The following INSIG1 variants were observed in gnomAD, a reference collection of about 807,000 sequenced individuals.
INSIG1 encodes insulin-induced gene 1 protein.
A neutral mutation model predicts 26.5 loss-of-function variants in INSIG1; 14 were observed. The ratio of observed to expected loss-of-function variants is 0.53; its 90% CI spans 0.35 to 0.83. INSIG1 has a LOEUF of 0.83. INSIG1 is among the 40% of genes least tolerant of loss of function. INSIG1 has a pLI of 0.01. For missense variants in INSIG1, 272 were observed against 368.9 expected (o/e 0.74, Z 2.15); for synonymous variants, 147 against 153.3 (o/e 0.96, Z 0.30).
In INSIG1 at chr7:155,309,906, G is replaced by A. The variant is rs1399240324; in HGVS notation, c.*1636G>A. The A allele has an allele frequency of 6.6e-6, 1 of 152,594 alleles. No individual in the cohort carries two copies. Among genetic ancestry groups the A allele is most frequent in the Non-Finnish European group, 1.5e-5 (1 of 68,044 alleles). 9.5% of individuals were successfully genotyped at this position (152,594 alleles called of 1,614,324 possible). On this transcript the variant is annotated 3_prime_UTR_variant, in exon 6 of 6. Transcript: ENST00000340368. ...GATGTCAGCATTTTATGAAAAACCA[G>A]AAGTTATTAGATGAAAGCAGCGAGT... is the stretch of plus-strand genomic sequence containing the variant.
At chr7:155,299,689 G>A (rs1226198552) in intron 2 of INSIG1, among the ~76,000 whole-genome samples, 1 of 152,220 alleles carries the variant, frequency 6.6e-6, no homozygotes, top group Non-Finnish European at 1.5e-5. Context: ...GCTGACGTTT[G>A]TCAGCTGACT....
In INSIG1 at chr7:155,301,568, G is replaced by C; in HGVS notation, c.415G>C (p.Val139Leu). 1.2e-6 allele frequency: 2 copies of C among 1,601,116 alleles called. No individual in the cohort carries two copies. The highest frequency in any genetic ancestry group is 1.7e-6 in the Non-Finnish European group (2 of 1,172,730). ...CATTGTCAACTTTTTTAAAACAGCT[G>C]TTGTTGGCCTACTGTACCCCTGTAT... is the stretch of plus-strand genomic sequence containing the variant. ...VPPCCGTAAA[V>L]VGLLYPCIDS... The change falls in exon 3 of 6, where the codon GTT (valine) becomes CTT (leucine). Residue 139 changes from valine (V) to leucine (L), a missense_variant and splice_region_variant. Physicochemically the swap from Val to Leu is conservative, Grantham distance 32. Around this residue, in one of 2 missense-constraint regions of INSIG1, gnomAD observed 111 missense variants for 189.8 expected, o/e 0.58. Transcript: ENST00000340368.
chr7:155,302,179 A>G lies in INSIG1; in HGVS notation c.538-72A>G. The G allele has an allele frequency of 8.2e-7, 1 of 1,217,130 alleles. No homozygotes were observed. The highest frequency in any genetic ancestry group is 2.6e-5 in the Admixed American group (1 of 37,964). 75.4% of individuals were successfully genotyped at this position (1,217,130 alleles called of 1,614,324 possible). A position where few individuals can be genotyped will look rare whatever the true frequency, so the allele number is the denominator to read the frequency against. ...ACAATAATAAAATACCCATGTTTTT[A>G]ACCCTTGTGGTTTTACGTTTTTTTA... On this transcript the variant is annotated intron_variant, in intron 3 of 5. Transcript: ENST00000340368. This position sits in a 1 kb window ranked among gnomAD's most constrained non-coding sequence, Gnocchi z 4.3.
At chr7:155,306,120 C>T (rs1797929331) in intron 5 of INSIG1, among the ~76,000 whole-genome samples, 1 of 152,206 alleles carries the variant, frequency 6.6e-6, no homozygotes, top group Admixed American at 6.5e-5. Flanking sequence ...CTGCCTCAGC[C>T]TCCCAAGTAG....
intron 5 of INSIG1, chr7:155,303,756 G>T (rs1797857958): frequency 2.5e-6 from 2 of 814,164 alleles, no homozygotes; most frequent in Non-Finnish European, 3.6e-6. Context: ...TGCTCTCGGA[G>T]ATAAGCTCTG....
intron 5 of INSIG1, chr7:155,303,924 T>G (rs1372446734): frequency 8.0e-7 from 1 of 1,253,704 alleles, no homozygotes; most frequent in Admixed American, 2.0e-5. Context: ...CACTGGTTAC[T>G]GACTCTCTGC....
At position 155,298,363 on chromosome 7, in the gene INSIG1, C is replaced by G. The variant is rs1377830446; in HGVS notation, c.78C>G (p.Ser26Arg). The G allele has an allele frequency of 2.0e-6, 3 of 1,518,130 alleles. No individual in the cohort carries two copies. The highest frequency in any genetic ancestry group is 4.7e-5 in the East Asian group (2 of 42,254). The allele number at this position is 1,518,130 out of a possible 1,614,324, so 94.0% of individuals were successfully genotyped here. ...SARRRGPPRA[S>R]AAGLAAKVGE... ...GGCGCCGAGGCCCCCCGCGAGCCAG[C>G]GCCGCGGGGCTGGCGGCCAAGGTTG... Residue 26 changes from serine to arginine, a missense_variant, in exon 2 of 6, where the codon AGC (serine) becomes AGG (arginine). Transcript: ENST00000340368.
At chr7:155,299,604 A>G (rs1401423773) in intron 2 of INSIG1, among the ~76,000 whole-genome samples, 1 of 152,220 alleles carries the variant, frequency 6.6e-6, no homozygotes, top group Non-Finnish European at 1.5e-5. Context: ...TAAGCAGCTT[A>G]GAGTCTGGTG....
chr7:155,301,938 T>A (rs1225123171), intron 3 of INSIG1, among the ~76,000 whole-genome samples: 1 of 57,810 alleles, frequency 1.7e-5, no homozygotes, highest in African/African-American at 1.0e-4. Context: ...TATATATTTT[T>A]AAATATATAT....
Position 155,298,200 on chromosome 7 carries a change from G to A in INSIG1, c.-27-59G>A, listed in dbSNP as rs1449090589. 3.0e-6 allele frequency: 4 copies of A among 1,314,738 alleles called. No homozygotes were observed. In the East Asian group the frequency reaches 9.3e-5, roughly 30 times the overall value. The allele number at this position is 1,314,738 out of a possible 1,614,324, so 81.4% of individuals were successfully genotyped here. ...GCCCGGGTGCCGGGGTTCGCGTCCC[G>A]CGGGGCCTTCCTCGCTCTTTGTCTC... On this transcript the variant is annotated intron_variant, in intron 1 of 5. Coordinates refer to ENST00000340368, the MANE Select transcript of INSIG1 (RefSeq NM_005542.6).
chr7:155,305,752 G>A (rs1476396031), intron 5 of INSIG1, among the ~76,000 whole-genome samples: 1 of 152,160 alleles, frequency 6.6e-6, no homozygotes, highest in Non-Finnish European at 1.5e-5. Flanking sequence ...CTTCTTAGCT[G>A]TCTCAGTTCT....
chr7:155,298,734 G>A, intron 2 of INSIG1, 37 bp downstream of exon 2: 1 of 1,578,512 alleles, frequency 6.3e-7, no homozygotes, highest in Non-Finnish European at 8.6e-7. Flanking sequence ...AAGTAAAAAG[G>A]GTGTCTTTTC....
At position 155,309,774 on chromosome 7, in the gene INSIG1, C is replaced by T. The variant is rs1441980725; in HGVS notation, c.*1504C>T. The T allele has an allele frequency of 6.6e-6, 1 of 152,082 alleles. No individual in the cohort carries two copies. Among genetic ancestry groups the T allele is most frequent in the African/African-American group, 2.4e-5 (1 of 41,390 alleles). 9.4% of individuals were successfully genotyped at this position (152,082 alleles called of 1,614,324 possible). Reference sequence around the variant, plus strand: ...AAGTTCCTGGAGTTAATTTGTTTTACAGGAATTTTGTTTTTTAAAAAAATA... The same window carrying T: ...AAGTTCCTGGAGTTAATTTGTTTTATAGGAATTTTGTTTTTTAAAAAAATA... On this transcript the variant is annotated 3_prime_UTR_variant, in exon 6 of 6. Coordinates refer to ENST00000340368, the MANE Select transcript of INSIG1 (RefSeq NM_005542.6).
intron 2 of INSIG1, among the ~76,000 whole-genome samples, chr7:155,301,117 G>C (rs1797772833): frequency 6.6e-6 from 1 of 152,232 alleles, no homozygotes; most frequent in Non-Finnish European, 1.5e-5. Flanking sequence ...CTGGGTGGTG[G>C]CAGGAGTGTC....
rs757412249 is a variant in INSIG1, at chr7:155,301,607, G to A, written c.454G>A (p.Gly152Arg). The change falls in exon 3 of 6, where the codon GGA becomes AGA. Residue 152 changes from glycine to arginine, a missense_variant. Physicochemically the swap from Gly to Arg is moderately radical, Grantham distance 125. This residue lies in a region of INSIG1 where 111 missense variants were observed against 189.8 expected (regional missense o/e 0.58). Transcript: ENST00000340368. ...LLYPCIDSHL[G>R]EPHKFKREWA... is the part of the protein sequence containing the mutation. ...GTACCCCTGTATCGACAGTCACCTC[G>A]GAGAACCCCACAAATTTAAGAGAGA... 2.5e-6 allele frequency: 4 copies of A among 1,611,132 alleles called. No homozygotes were observed. The highest frequency in any genetic ancestry group is 1.1e-5 in the South Asian group (1 of 90,792).
Position 155,297,962 on chromosome 7 carries a change from A to C in INSIG1, c.-28+3A>C. The C allele has an allele frequency of 9.4e-6, 2 of 212,566 alleles. No homozygotes were observed. The highest frequency in any genetic ancestry group is 9.3e-6 in the Non-Finnish European group (1 of 108,022). The allele number at this position is 212,566 out of a possible 1,614,324, so 13.2% of individuals were successfully genotyped here. A position where few individuals can be genotyped will look rare whatever the true frequency, so the allele number is the denominator to read the frequency against. On this transcript the variant is annotated splice_donor_region_variant and intron_variant, in intron 1 of 5. Coordinates refer to ENST00000340368, the MANE Select transcript of INSIG1 (RefSeq NM_005542.6). ...GCGGGCGGGCGCCTCTCGGCCAGGT[A>C]CGCGGCCGGCTGGGATAGGGGTCGC...
Position 155,298,636 on chromosome 7 carries a change from G to A in INSIG1, c.351G>A (p.Glu117=), listed in dbSNP as rs898393358. 2.1e-5 allele frequency: 34 copies of A among 1,613,226 alleles called. No individual in the cohort carries two copies. The highest frequency in any genetic ancestry group is 2.7e-5 in the Non-Finnish European group (32 of 1,179,980). ...IQRNVTLFPE[E]VIATIFSSAW... ...GGAATGTCACTCTCTTCCCCGAGGAGGTGATCGCCACCATCTTTTCCTCCG... is the reference window on the plus strand; with the variant it reads ...GGAATGTCACTCTCTTCCCCGAGGAAGTGATCGCCACCATCTTTTCCTCCG... Residue 117 remains glutamate, a synonymous_variant, in exon 2 of 6, where the codon GAG becomes GAA. Transcript: ENST00000340368.
chr7:155,304,308 AT>A (rs1308973908), intron 5 of INSIG1, among the ~76,000 whole-genome samples: 1 of 152,182 alleles, frequency 6.6e-6, no homozygotes, highest in Non-Finnish European at 1.5e-5. Context: ...TGGAAATAGT[AT>A]GTTGTTTTCA....
chr7:155,304,364 G>A (rs554475720), intron 5 of INSIG1, among the ~76,000 whole-genome samples: 42 of 152,344 alleles, frequency 2.8e-4, no homozygotes, highest in African/African-American at 9.4e-4. Context: ...AGGAGAGCTG[G>A]CAACTCCATC....
Sources: allele counts gnomAD v4.1 joint callset (sites outside exome capture counted in the v4.1 genomes callset), GRCh38; gene constraint gnomAD v4.1.1; regional missense constraint gnomAD v4.1.1; non-coding constraint Gnocchi (gnomAD v3.1); transcripts MANE v1.5; gene names NCBI Gene and HGNC (gene_info 2026-07-23, HGNC 2026-07-21).